NEK5: variants seen among roughly 807,000 people sequenced by gnomAD.
NEK5 encodes the protein serine/threonine-protein kinase Nek5.
NEK5 carries 88 observed loss-of-function variants against 109.2 expected under a neutral mutation model. That is an observed-to-expected ratio of 0.81 (90% CI 0.68 to 0.96). The LOEUF (loss-of-function observed/expected upper bound fraction) is 0.96, where lower values mean the gene tolerates loss of function less well. Among genes scored for constraint, NEK5 ranks in the 40% least tolerant of loss-of-function variants. The pLI, the probability that NEK5 is intolerant of heterozygous loss-of-function variation, is 0.00. For synonymous variants in NEK5, 283 were observed against 299.9 expected, an observed-to-expected ratio of 0.94 and a Z score of 0.58; for missense variants, 834 against 920.7, an observed-to-expected ratio of 0.91 and a Z score of 1.22.
chr13:52,087,819 G>A (rs918827439), intron 14 of NEK5, among the ~76,000 whole-genome samples: 1 of 151,808 alleles, frequency 6.6e-6, no homozygotes, highest in African/African-American at 2.4e-5. Context: ...TAGAGACAGG[G>A]TTTCACTGTG....
intron 16 of NEK5, 56 bp downstream of exon 16, chr13:52,086,220 CA>C (rs1280051967): frequency 9.4e-7 from 1 of 1,065,308 alleles, no homozygotes; most frequent in Non-Finnish European, 1.5e-6. Context: ...AATACCAGCT[CA>C]ATTTAGTTAG....
chr13:52,089,754 G>A (rs550481528), intron 13 of NEK5, among the ~76,000 whole-genome samples: 115 of 152,108 alleles, frequency 7.6e-4, no homozygotes, highest in African/African-American at 2.7e-3. Flanking sequence ...TTGGGAGGCC[G>A]AGGTGGGTGG....
intron 21 of NEK5, among the ~76,000 whole-genome samples, chr13:52,063,769 C>G (rs1430876277): frequency 2.0e-5 from 3 of 151,664 alleles, no homozygotes; most frequent in African/African-American, 7.3e-5. Context: ...GCCACCCCAT[C>G]TGAGAAGTGA....
Position 52,102,076 on chromosome 13 carries a change from T to A in NEK5, c.810+16A>T, listed in dbSNP as rs1166169329. 1 of 1,612,894 alleles carries A rather than the reference T, an allele frequency of 6.2e-7. No individual in the cohort carries two copies. The highest frequency in any genetic ancestry group is 8.5e-7 in the Non-Finnish European group (1 of 1,178,928). On this transcript the variant is annotated intron_variant, in intron 10 of 23. Transcript: ENST00000684899. ...AAAATCTCTGCCAAAATCCAAACAG[T>A]CACCTCAAAACTTACCTCAGGAGTC...
intron 8 of NEK5, among the ~76,000 whole-genome samples, chr13:52,108,065 G>T (rs1264311710): frequency 6.6e-6 from 1 of 152,004 alleles, no homozygotes; most frequent in Non-Finnish European, 1.5e-5. Context: ...TAATTTCCAG[G>T]CCTTCTCCCT....
chr13:52,061,456 G>T (rs1417071744), intron 22 of NEK5, among the ~76,000 whole-genome samples: 2 of 152,164 alleles, frequency 1.3e-5, no homozygotes, highest in Non-Finnish European at 2.9e-5. Flanking sequence ...ATATTATGTT[G>T]TATTTTTATT....
intron 13 of NEK5, among the ~76,000 whole-genome samples, chr13:52,090,869 C>CA (rs950529536): frequency 2.5e-4 from 38 of 151,952 alleles, no homozygotes; most frequent in Admixed American, 1.2e-3. Context: ...TCTAAAAATA[C>CA]AAAAAAATTA....
In NEK5 at chr13:52,087,413, T is replaced by C. The variant is rs1453760258; in HGVS notation, c.1317A>G (p.Arg439=). 1 of 1,611,866 alleles carries C rather than the reference T, an allele frequency of 6.2e-7. No homozygotes were observed. Among genetic ancestry groups the C allele is most frequent in the Admixed American group, 1.7e-5 (1 of 59,970 alleles). The change falls in exon 15 of 24, where the codon AGA becomes AGG. Residue 439 remains arginine (R), a synonymous_variant. Transcript: ENST00000684899. ...PSSAEPNYNQ[R]QELRSNGEEP... ...CTTCTCCATTACTTCTTAGCTCTTG[T>C]CTCTGGTTGTAATTTGGCTCGGCAG...
chr13:52,068,834 G>A (rs543035576), intron 20 of NEK5, among the ~76,000 whole-genome samples: 22 of 152,168 alleles, frequency 1.4e-4, no homozygotes, highest in East Asian at 9.7e-4. Context: ...TCAGCTAGGC[G>A]TGGTGGCGCG....
chr13:52,048,636 T>C (rs1954478235), intron 23 of NEK5, among the ~76,000 whole-genome samples: 2 of 152,168 alleles, frequency 1.3e-5, no homozygotes, highest in Non-Finnish European at 1.5e-5. Flanking sequence ...TGGAATACTA[T>C]TCAGCTATTA....
At chr13:52,041,688 A>C (rs1954415083) in intron 23 of NEK5, among the ~76,000 whole-genome samples, 1 of 135,196 alleles carries the variant, frequency 7.4e-6, no homozygotes, top group Non-Finnish European at 1.5e-5. Context: ...AGATCACACC[A>C]CTGCACTCCA....
intron 8 of NEK5, among the ~76,000 whole-genome samples, chr13:52,107,429 A>G (rs1486625214): frequency 6.6e-6 from 1 of 152,088 alleles, no homozygotes; most frequent in East Asian, 1.9e-4. Context: ...CATCTCTACT[A>G]AAAACACAAA....
intron 17 of NEK5, among the ~76,000 whole-genome samples, chr13:52,080,863 G>C (rs911048901): frequency 6.9e-6 from 1 of 145,218 alleles, no homozygotes. Context: ...ATACCCCTCT[G>C]CGAGAAACAC....
Position 52,072,085 on chromosome 13 carries a change from C to G in NEK5, c.1723-15G>C. 6.3e-7 allele frequency: 1 copy of G among 1,598,632 alleles called. No individual in the cohort carries two copies. The stretch of plus-strand genomic sequence containing the variant: ...ATATCCATTGCCTAAATCAATTCCA[C>G]AGTGTTTCATGATAAATTAGCCATA... On this transcript the variant is annotated splice_polypyrimidine_tract_variant and intron_variant, in intron 19 of 23. Coordinates refer to ENST00000684899, the MANE Select transcript of NEK5 (RefSeq NM_001365552.1).
At chr13:52,044,379 C>G (rs1030553672) in intron 23 of NEK5, among the ~76,000 whole-genome samples, 2 of 152,142 alleles carry the variant, frequency 1.3e-5, no homozygotes, top group African/African-American at 4.8e-5. Flanking sequence ...GAAATGAAAA[C>G]TTAGGTTCAC....
intron 23 of NEK5, among the ~76,000 whole-genome samples, chr13:52,040,146 TCAACCTCGGCTCACTG>T (rs1187392398): frequency 6.8e-6 from 1 of 147,894 alleles, no homozygotes; most frequent in African/African-American, 2.5e-5. Context: ...GTGCAATGGC[TCAACCTCGGCTCACTG>T]CAACCTCCGC....
chr13:52,094,983 T>C (rs1955372659), intron 12 of NEK5, among the ~76,000 whole-genome samples: 1 of 152,230 alleles, frequency 6.6e-6, no homozygotes, highest in African/African-American at 2.4e-5. Context: ...TGTGGTGTGA[T>C]CATAGCTCAT....
At chr13:52,111,796 CT>C (rs1955764557) in intron 5 of NEK5, among the ~76,000 whole-genome samples, 1 of 152,200 alleles carries the variant, frequency 6.6e-6, no homozygotes, top group Non-Finnish European at 1.5e-5. Flanking sequence ...TATTCTTCAT[CT>C]TTTATCTCCC....
Position 52,075,838 on chromosome 13 carries a change from C to CAA in NEK5, c.1654-14_1654-13dup, listed in dbSNP as rs751738755. 1.3e-3 allele frequency: 1,464 copies of CAA among 1,162,354 alleles called. No individual in the cohort carries two copies. Among genetic ancestry groups the CAA allele is most frequent in the South Asian group, 1.8e-3 (113 of 63,090 alleles). The allele number at this position is 1,162,354 out of a possible 1,614,324, so 72.0% of individuals were successfully genotyped here. ...AATTTTACCCCCTTCTAGGAGAAAGCAAAAAAAAAAAAAAAGTTTAGCAAT... is the reference window on the plus strand; with the variant it reads ...AATTTTACCCCCTTCTAGGAGAAAGCAAAAAAAAAAAAAAAAAGTTTAGCAAT... On this transcript the variant is annotated splice_polypyrimidine_tract_variant and intron_variant, in intron 18 of 23. Transcript: ENST00000684899.
Sources: gnomAD v4.1 joint callset for allele counts (sites outside exome capture counted in the v4.1 genomes callset) on GRCh38, gnomAD v4.1.1 for gene constraint, MANE v1.5 for transcripts, NCBI Gene and HGNC (gene_info 2026-07-23, HGNC 2026-07-21) for gene names.